The following MBD5 variants were observed in gnomAD, a reference collection of about 807,000 sequenced individuals.
MBD5 encodes methyl-CpG-binding domain protein 5.
In MBD5, 13 loss-of-function variants were observed where a neutral mutation model predicts 117.3. The observed-to-expected ratio is 0.11, with a 90% CI of 0.07 to 0.18. MBD5 has a LOEUF of 0.18. Ranked by LOEUF, MBD5 falls within the 10% of genes least tolerant of loss-of-function variation. The pLI is 1.00. For missense variants in MBD5, 1,879 were observed against 2,093.8 expected, an observed-to-expected ratio of 0.90 and a Z score of 2.00; for synonymous variants, 727 against 766.4, an observed-to-expected ratio of 0.95 and a Z score of 0.85.
At chr2:148,473,752 A>G (rs1165776754) in intron 8 of MBD5, among the ~76,000 whole-genome samples, 1 of 152,194 alleles carries the variant, frequency 6.6e-6, no homozygotes, top group South Asian at 2.1e-4. Flanking sequence ...GCAAAATCAG[A>G]TAAAAGATAT....
At chr2:148,446,688 C>T (rs1392263468) in intron 4 of MBD5, among the ~76,000 whole-genome samples, 1 of 150,408 alleles carries the variant, frequency 6.6e-6, no homozygotes, top group Non-Finnish European at 1.5e-5. Context: ...TATCAGAGCA[C>T]CTATGAAATC....
At chr2:148,057,646 A>C (rs2105802010) in intron 1 of MBD5, among the ~76,000 whole-genome samples, 1 of 152,014 alleles carries the variant, frequency 6.6e-6, no homozygotes, top group South Asian at 2.1e-4. Flanking sequence ...TACTAGAATA[A>C]ATTTTTTCCA....
chr2:148,208,402 C>A (rs149942804), intron 2 of MBD5, among the ~76,000 whole-genome samples: 1 of 151,970 alleles, frequency 6.6e-6, no homozygotes, highest in African/African-American at 2.4e-5. Context: ...TACAAGCATG[C>A]GCTCCAATGC....
intron 2 of MBD5, among the ~76,000 whole-genome samples, chr2:148,231,024 G>A (rs1291239548): frequency 6.6e-6 from 1 of 152,110 alleles, no homozygotes; most frequent in African/African-American, 2.4e-5. Context: ...AGGAGGTGAT[G>A]CCAGCACTCC....
At chr2:148,441,741 A>G (rs1455481655) in intron 4 of MBD5, among the ~76,000 whole-genome samples, 1 of 151,648 alleles carries the variant, frequency 6.6e-6, no homozygotes, top group Admixed American at 6.6e-5. Flanking sequence ...AAGTGTTCCT[A>G]TTTCTCCACA....
At chr2:148,232,805 A>G (rs932122425) in intron 2 of MBD5, among the ~76,000 whole-genome samples, 1 of 152,166 alleles carries the variant, frequency 6.6e-6, no homozygotes, top group Middle Eastern at 3.4e-3. Flanking sequence ...TAATCTAAAT[A>G]TTTTGGTTTT....
chr2:148,387,983 T>C (rs1704429629), intron 4 of MBD5, among the ~76,000 whole-genome samples: 4 of 152,170 alleles, frequency 2.6e-5, no homozygotes, highest in Admixed American at 1.3e-4. Context: ...TTGGGGAATC[T>C]AAACTTCATA....
chr2:148,432,234 C>A (rs990200676), intron 4 of MBD5, among the ~76,000 whole-genome samples: 1 of 149,500 alleles, frequency 6.7e-6, no homozygotes, highest in Non-Finnish European at 1.5e-5. Flanking sequence ...TCTTGTTCAT[C>A]TGTTTAAATT....
At chr2:148,223,108 G>T (rs1008535245) in intron 2 of MBD5, among the ~76,000 whole-genome samples, 1 of 152,020 alleles carries the variant, frequency 6.6e-6, no homozygotes, top group African/African-American at 2.4e-5. Flanking sequence ...GCATCCCAGG[G>T]ATAAATCCCA....
intron 3 of MBD5, among the ~76,000 whole-genome samples, chr2:148,312,690 CTTGCTGGTGAGGAGTTGTGATCCTA>C (rs1291593943): frequency 6.6e-6 from 1 of 152,112 alleles, no homozygotes; most frequent in Non-Finnish European, 1.5e-5. Flanking sequence ...GTTTTGTTCC[CTTGCTGGTGAGGAGTTGTGATCCTA>C]TGGAGGAGAA....
At chr2:148,150,450 T>C (rs1160875745) in intron 1 of MBD5, among the ~76,000 whole-genome samples, 2 of 152,332 alleles carry the variant, frequency 1.3e-5, no homozygotes, top group East Asian at 3.9e-4. Context: ...ATATGAACTT[T>C]AAAGTATTTT....
At chr2:148,037,922 A>G (rs188307378) in intron 1 of MBD5, among the ~76,000 whole-genome samples, 1 of 152,136 alleles carries the variant, frequency 6.6e-6, no homozygotes. Flanking sequence ...CAAAAGAACA[A>G]ACAGTTCTTT....
chr2:148,385,861 C>G (rs2105479858), intron 4 of MBD5, among the ~76,000 whole-genome samples: 1 of 148,754 alleles, frequency 6.7e-6, no homozygotes, highest in East Asian at 2.0e-4. Context: ...ATCGCAAGGA[C>G]AAAAAACCAA....
At chr2:148,283,296 C>T (rs1701293728) in intron 3 of MBD5, among the ~76,000 whole-genome samples, 1 of 152,086 alleles carries the variant, frequency 6.6e-6, no homozygotes, top group African/African-American at 2.4e-5. Flanking sequence ...ATTGGCTCTC[C>T]AATCCATCCT....
intron 3 of MBD5, among the ~76,000 whole-genome samples, chr2:148,332,545 C>A (rs1453317): frequency 0.27 from 41,811 of 152,042 alleles, 6,558 homozygotes; most frequent in Admixed American, 0.37. Context: ...TGTTTACTGA[C>A]ATTTGATTGA....
At chr2:148,031,754 G>C (rs1694046526) in intron 1 of MBD5, among the ~76,000 whole-genome samples, 2 of 152,038 alleles carry the variant, frequency 1.3e-5, no homozygotes, top group Admixed American at 1.3e-4. Context: ...ATATGAGTTG[G>C]AAATGAAAAC....
chr2:148,487,830 A>G (rs1226466610), intron 10 of MBD5, among the ~76,000 whole-genome samples: 1 of 152,362 alleles, frequency 6.6e-6, no homozygotes, highest in South Asian at 2.1e-4. Flanking sequence ...ATTCCATAAC[A>G]TCATGGTGTT....
At chr2:148,461,073 C>G (rs991243205) in intron 5 of MBD5, among the ~76,000 whole-genome samples, 1 of 152,190 alleles carries the variant, frequency 6.6e-6, no homozygotes, top group Non-Finnish European at 1.5e-5. Context: ...GCTGGAATTA[C>G]AAGCACACAC....
chr2:148,442,166 C>A (rs67148212), intron 4 of MBD5, among the ~76,000 whole-genome samples: 37,149 of 149,830 alleles, frequency 0.25, 5,846 homozygotes, highest in African/African-American at 0.4. Flanking sequence ...TGTTTTAGAC[C>A]TGAAGTCCTA....
Sources: allele counts gnomAD v4.1 joint callset (sites outside exome capture counted in the v4.1 genomes callset), GRCh38; gene constraint gnomAD v4.1.1; transcripts MANE v1.5; gene names NCBI Gene and HGNC (gene_info 2026-07-23, HGNC 2026-07-21).